The following DLGAP1 variants were observed in gnomAD, a reference collection of about 807,000 sequenced individuals.
DLGAP1 encodes the protein DLG associated protein 1.
In DLGAP1, 11 loss-of-function variants were observed where a neutral mutation model predicts 90.8. The ratio of observed to expected loss-of-function variants is 0.12; its 90% CI spans 0.08 to 0.20. DLGAP1 has a LOEUF of 0.20. Among genes scored for constraint, DLGAP1 ranks in the 10% least tolerant of loss-of-function variants. DLGAP1 has a pLI of 1.00. For missense variants in DLGAP1, 1,050 were observed against 1,333.8 expected (o/e 0.79, Z 3.31); for synonymous variants, 558 against 540.7 (o/e 1.03, Z -0.44).
intron 2 of DLGAP1, among the ~76,000 whole-genome samples, chr18:4,086,767 T>A (rs2075687367): frequency 6.6e-6 from 1 of 152,204 alleles, no homozygotes; most frequent in South Asian, 2.1e-4. Flanking sequence ...ATGTATATTC[T>A]TTTTAAGTCA....
At chr18:3,961,475 C>T (rs1004933716) in intron 3 of DLGAP1, among the ~76,000 whole-genome samples, 12 of 152,264 alleles carry the variant, frequency 7.9e-5, no homozygotes, top group Non-Finnish European at 1.0e-4. Flanking sequence ...GGACTTAGGA[C>T]GGGAATACAA....
chr18:4,125,395 C>A (rs763939515), intron 2 of DLGAP1, among the ~76,000 whole-genome samples: 21 of 152,132 alleles, frequency 1.4e-4, no homozygotes, highest in Non-Finnish European at 2.6e-4. Flanking sequence ...AGATGCAGAG[C>A]AATTCACCAG....
rs546022729 is a variant in DLGAP1 at position 4,424,781 on chromosome 18, G to T, written c.-267+30225C>A. Among the ~76,000 whole-genome samples the T allele has an allele frequency of 9.2e-5, 14 of 152,054 alleles. 1 individual carries two copies. In the South Asian group the frequency reaches 2.7e-3, roughly 29 times the overall value. On this transcript the variant is annotated intron_variant, in intron 1 of 12. Transcript: ENST00000315677. ...TGATTTTTTTCTTTTTGTTTTTGAG[G>T]GGAGAGGAAATTGCGAATACAAGAG... is the stretch of plus-strand genomic sequence containing the variant.
At chr18:3,551,176 T>TATATATATATAC (rs1478108279) in intron 9 of DLGAP1, among the ~76,000 whole-genome samples, 2 of 4,130 alleles carry the variant, frequency 4.8e-4, no homozygotes, top group African/African-American at 6.5e-4. Flanking sequence ...TATATATATA[T>TATATATATATAC]ACACATACAT....
At chr18:3,926,553 T>C (rs963099468) in intron 3 of DLGAP1, among the ~76,000 whole-genome samples, 34 of 151,924 alleles carry the variant, frequency 2.2e-4, no homozygotes, top group African/African-American at 6.5e-4. Flanking sequence ...CACATCTCTC[T>C]CTATACATAT....
intron 4 of DLGAP1, chr18:3,874,315 C>T: frequency 1.3e-6 from 2 of 1,536,356 alleles, no homozygotes; most frequent in Non-Finnish European, 1.8e-6. Flanking sequence ...CTCTCTCTCT[C>T]CACTTCTACC....
chr18:3,962,628 G>A (rs772000891), intron 3 of DLGAP1, among the ~76,000 whole-genome samples: 2 of 151,872 alleles, frequency 1.3e-5, no homozygotes, highest in Non-Finnish European at 2.9e-5. Flanking sequence ...TTGAGGTTTG[G>A]CTCTATCCAT....
chr18:4,093,735 A>C (rs370315891), intron 2 of DLGAP1, among the ~76,000 whole-genome samples: 41 of 152,204 alleles, frequency 2.7e-4, no homozygotes, highest in African/African-American at 9.2e-4. Flanking sequence ...CTTCCTCTAC[A>C]AGCAATCACC....
chr18:4,196,715 C>A (rs755799483), intron 1 of DLGAP1, among the ~76,000 whole-genome samples: 14 of 152,310 alleles, frequency 9.2e-5, no homozygotes, highest in Non-Finnish European at 1.6e-4. Context: ...TTTTAAGTAA[C>A]CTTATTTCTG....
chr18:4,131,227 TAA>T lies in DLGAP1; in HGVS notation c.-159+19951_-159+19952del, dbSNP rs1209382794. On this transcript the variant is annotated intron_variant, in intron 2 of 12. Transcript: ENST00000315677. The stretch of plus-strand genomic sequence containing the variant: ...GTGTGTGTGTGCGTGCAAGCACGTG[TAA>T]GAGAGAGAGCAAGAACAGTTAATTA... Among the ~76,000 whole-genome samples, 10 of 151,096 alleles carry T rather than the reference TAA, an allele frequency of 6.6e-5. No individual in the cohort carries two copies. The East Asian group carries it at 1.6e-3, about 23-fold the overall frequency.
At chr18:3,900,008 A>AAAAC (rs565074418) in intron 3 of DLGAP1, among the ~76,000 whole-genome samples, 3 of 152,262 alleles carry the variant, frequency 2.0e-5, no homozygotes, top group African/African-American at 4.8e-5. Context: ...AACAAAACCA[A>AAAAC]AAACAAACAA....
chr18:3,547,637 G>A (rs1369961698), intron 9 of DLGAP1, among the ~76,000 whole-genome samples: 2 of 152,148 alleles, frequency 1.3e-5, no homozygotes, highest in Non-Finnish European at 2.9e-5. Context: ...TGGCCAGTTT[G>A]TGGAGAAACT....
chr18:3,812,154 C>T (rs1165566239), intron 5 of DLGAP1, among the ~76,000 whole-genome samples: 1 of 152,134 alleles, frequency 6.6e-6, no homozygotes, highest in African/African-American at 2.4e-5. Context: ...AAGATGTTAA[C>T]CCTATGGCCA....
chr18:4,385,107 T>C (rs576443071), intron 1 of DLGAP1, among the ~76,000 whole-genome samples: 2 of 152,058 alleles, frequency 1.3e-5, no homozygotes, highest in Admixed American at 6.6e-5. Context: ...GGCTGTACAG[T>C]AGGAAGGGAG....
At chr18:3,741,847 C>T (rs12956724) in intron 6 of DLGAP1, among the ~76,000 whole-genome samples, 58,976 of 142,130 alleles carry the variant, frequency 0.41, 11,984 homozygotes, top group Middle Eastern at 0.56. Context: ...TTTTCTTTTT[C>T]TTTTTTTTTA....
intron 3 of DLGAP1, among the ~76,000 whole-genome samples, chr18:3,987,218 C>G (rs1404393097): frequency 6.6e-6 from 1 of 152,076 alleles, no homozygotes; most frequent in Non-Finnish European, 1.5e-5. Context: ...CCAAAGTTGC[C>G]TCAAGGGGAG....
At position 3,728,422 on chromosome 18, in the gene DLGAP1, T is replaced by G. The variant is rs751210175; in HGVS notation, c.1591+713A>C. On this transcript the variant is annotated intron_variant, in intron 7 of 12. Coordinates refer to ENST00000315677, the MANE Select transcript of DLGAP1 (RefSeq NM_004746.4). ...CATATATAGCCCACGGCTATATTATTATGCAGGTTCCAGTGTCACAGAAAC... is the reference window on the plus strand; with the variant it reads ...CATATATAGCCCACGGCTATATTATGATGCAGGTTCCAGTGTCACAGAAAC... Among the ~76,000 whole-genome samples the G allele has an allele frequency of 4.6e-5, 7 of 152,036 alleles. 1 individual carries two copies. The highest frequency in any genetic ancestry group is 4.2e-4 in the South Asian group (2 of 4,812).
intron 7 of DLGAP1, among the ~76,000 whole-genome samples, chr18:3,654,266 T>G (rs2146495067): frequency 6.6e-6 from 1 of 152,296 alleles, no homozygotes; most frequent in East Asian, 1.9e-4. Flanking sequence ...GCTGCCGGAC[T>G]AGCCCCAAGC....
chr18:3,609,156 T>TCCTCAGTCTCTCCTG (rs1555698377), intron 7 of DLGAP1, among the ~76,000 whole-genome samples: 5 of 151,780 alleles, frequency 3.3e-5, no homozygotes, highest in African/African-American at 7.3e-5. Context: ...CCTTGCAGTG[T>TCCTCAGTCTCTCCTG]CCTCAGCCTC....
Sources: gnomAD v4.1 joint callset for allele counts (sites outside exome capture counted in the v4.1 genomes callset) on GRCh38, gnomAD v4.1.1 for gene constraint, MANE v1.5 for transcripts, NCBI Gene and HGNC (gene_info 2026-07-23, HGNC 2026-07-21) for gene names.